The following AGO3 variants were observed in gnomAD, a reference collection of about 807,000 sequenced individuals.
AGO3 encodes argonaute RISC catalytic component 3, also known as protein argonaute-3.
AGO3 carries 16 observed loss-of-function variants against 105.5 expected under a neutral mutation model. The observed-to-expected ratio is 0.15, with a 90% CI of 0.10 to 0.23. The LOEUF is 0.23. Among genes scored for constraint, AGO3 ranks in the 10% least tolerant of loss-of-function variants. The pLI, the probability that AGO3 is intolerant of heterozygous loss-of-function variation, is 1.00. For missense variants in AGO3, 534 were observed against 1,088.0 expected (o/e 0.49, Z 7.16); for synonymous variants, 340 against 367.3 (o/e 0.93, Z 0.85).
At position 36,070,360 on chromosome 1, in the gene AGO3, A is replaced by G. The variant is rs766574534; in HGVS notation, c.*14615A>G. 3 of 152,202 alleles carry G rather than the reference A, an allele frequency of 2.0e-5. No individual in the cohort carries two copies. Among genetic ancestry groups the G allele is most frequent in the African/African-American group, 4.8e-5 (2 of 41,458 alleles). 9.4% of individuals were successfully genotyped at this position (152,202 alleles called of 1,614,324 possible). A position where few individuals can be genotyped will look rare whatever the true frequency, so the allele number is the denominator to read the frequency against. ...AAAGTTTCTGCTTCATGTGAATTCAATTCTGAGCACCTGCAGGTCATATCA... is the reference window on the plus strand; with the variant it reads ...AAAGTTTCTGCTTCATGTGAATTCAGTTCTGAGCACCTGCAGGTCATATCA... On this transcript the variant is annotated 3_prime_UTR_variant, in exon 19 of 19. Transcript: ENST00000373191.
rs753315996 is a variant in AGO3 at position 36,034,165 on chromosome 1, A to G, written c.1592-9A>G. The G allele has an allele frequency of 6.5e-7, 1 of 1,527,812 alleles. No homozygotes were observed. Among genetic ancestry groups the G allele is most frequent in the African/African-American group, 1.4e-5 (1 of 71,398 alleles). The allele number at this position is 1,527,812 out of a possible 1,614,324, so 94.6% of individuals were successfully genotyped here. A position where few individuals can be genotyped will look rare whatever the true frequency, so the allele number is the denominator to read the frequency against. On this transcript the variant is annotated splice_polypyrimidine_tract_variant and intron_variant, in intron 12 of 18. Transcript: ENST00000373191. ...TTTTCTGACTAGAGGTTTTGCATCT[A>G]TTCCATAGCGGAAGTGAAACGTGTA...
Position 35,975,850 on chromosome 1 carries a change from G to A in AGO3, c.658+2339G>A, listed in dbSNP as rs534098315. On this transcript the variant is annotated intron_variant, in intron 5 of 18. Transcript: ENST00000373191. ...TCTTTTCTGTCAAAGAATATACTATGTCTTTCTATTTGTTTAAGATTACTT... is the reference window on the plus strand; with the variant it reads ...TCTTTTCTGTCAAAGAATATACTATATCTTTCTATTTGTTTAAGATTACTT... 8.6e-4 allele frequency among the ~76,000 whole-genome samples: 130 copies of A among 151,620 alleles called. 1 individual carries two copies. Among genetic ancestry groups the A allele is most frequent in the African/African-American group, 3.1e-3 (128 of 41,416 alleles).
Position 36,055,859 on chromosome 1 carries a change from C to A in AGO3, c.*114C>A. On this transcript the variant is annotated 3_prime_UTR_variant, in exon 19 of 19. Coordinates refer to ENST00000373191, the MANE Select transcript of AGO3 (RefSeq NM_024852.4). The surrounding 1 kb of genome is among the most constrained non-coding windows in gnomAD (Gnocchi z 4.4). ...ACCTCCAGCCATACAGAAACCAACA[C>A]TGTGTGGGGGCCAAGGTCTGATCCT... 3 of 953,276 alleles carry A rather than the reference C, an allele frequency of 3.1e-6. No homozygotes were observed. In the South Asian group the frequency reaches 4.6e-5, roughly 15 times the overall value. 59.1% of individuals were successfully genotyped at this position (953,276 alleles called of 1,614,324 possible).
In AGO3 at chr1:36,009,537, T is replaced by A. The variant is rs761472009; in HGVS notation, c.1092T>A (p.Thr364=). 2 of 1,613,734 alleles carry A rather than the reference T, an allele frequency of 1.2e-6. No homozygotes were observed. The highest frequency in any genetic ancestry group is 1.7e-6 in the Non-Finnish European group (2 of 1,179,850). The part of the protein sequence containing the change: ...IKKLTDNQTS[T]MIKATARSAP... ...AGCTAACAGACAATCAGACTTCCAC[T>A]ATGATCAAGGCAACAGCAAGATCTG... is the stretch of plus-strand genomic sequence containing the variant. Residue 364 remains threonine (T), a synonymous_variant, in exon 9 of 19, where the codon ACT becomes ACA. Coordinates refer to ENST00000373191, the MANE Select transcript of AGO3 (RefSeq NM_024852.4).
chr1:35,997,449 T>C (rs1639881267), intron 5 of AGO3, among the ~76,000 whole-genome samples: 1 of 152,198 alleles, frequency 6.6e-6, no homozygotes, highest in African/African-American at 2.4e-5. Flanking sequence ...CTCAAAATGT[T>C]GTGCAGCAGC....
intron 1 of AGO3, among the ~76,000 whole-genome samples, chr1:35,938,412 T>C (rs1646191457): frequency 6.6e-6 from 1 of 152,232 alleles, no homozygotes; most frequent in African/African-American, 2.4e-5. Flanking sequence ...AAACCATTGT[T>C]AACTCTTTCT....
chr1:36,048,591 TAGAAAACAAGC>T (rs1366108328), intron 17 of AGO3, among the ~76,000 whole-genome samples: 1 of 151,942 alleles, frequency 6.6e-6, no homozygotes, highest in South Asian at 2.1e-4. Context: ...AGAAAGGATA[TAGAAAACAAGC>T]AGAAAACAAT....
chr1:35,987,361 C>T (rs879659814), intron 5 of AGO3, among the ~76,000 whole-genome samples: 8 of 146,440 alleles, frequency 5.5e-5, no homozygotes, highest in Non-Finnish European at 9.0e-5. Flanking sequence ...GGCATGGTGG[C>T]GTGTGCCTGT....
In AGO3 at chr1:36,040,315, T is replaced by C; in HGVS notation, c.2046T>C (p.Tyr682=). The C allele has an allele frequency of 6.2e-7, 1 of 1,613,062 alleles. No individual in the cohort carries two copies. The highest frequency in any genetic ancestry group is 8.5e-7 in the Non-Finnish European group (1 of 1,179,186). The change falls in exon 16 of 19, where the codon TAT becomes TAC. Residue 682 remains tyrosine, a synonymous_variant. Transcript: ENST00000373191. ...CATTTCATATTCTCTAGGTATTATA[T>C]TATGAACTACTAGCAATTCGAGAAG... is the stretch of plus-strand genomic sequence containing the variant. ...VSEGQFRQVL[Y]YELLAIREAC...
At chr1:36,032,759 A>G (rs1641838952) in intron 12 of AGO3, among the ~76,000 whole-genome samples, 1 of 151,438 alleles carries the variant, frequency 6.6e-6, no homozygotes, top group Admixed American at 6.6e-5. Context: ...GGAGGCCAAG[A>G]CGGGTGGATC....
chr1:35,981,771 TC>T (rs1415459867), intron 5 of AGO3, among the ~76,000 whole-genome samples: 1 of 152,194 alleles, frequency 6.6e-6, no homozygotes, highest in African/African-American at 2.4e-5. Context: ...CTTACCTCCT[TC>T]TGAGAATCCC....
At chr1:35,967,460 G>A (rs994659783) in intron 3 of AGO3, among the ~76,000 whole-genome samples, 6 of 151,830 alleles carry the variant, frequency 4.0e-5, no homozygotes, top group African/African-American at 1.5e-4. Context: ...TGTCACCTAG[G>A]TTGGAGTGCA....
chr1:36,009,256 T>C (rs1640478152), intron 8 of AGO3: 1 of 805,828 alleles, frequency 1.2e-6, no homozygotes, highest in Non-Finnish European at 1.8e-6. Context: ...AACATTTTGG[T>C]ATACTATACT....
intron 2 of AGO3, among the ~76,000 whole-genome samples, chr1:35,963,757 A>G (rs1303434486): frequency 1.3e-5 from 2 of 152,166 alleles, no homozygotes; most frequent in African/African-American, 4.8e-5. Context: ...GATTGTGGTA[A>G]TCGGGAATGG....
At chr1:36,053,255 T>C (rs866935979) in intron 17 of AGO3, among the ~76,000 whole-genome samples, 4 of 152,028 alleles carry the variant, frequency 2.6e-5, no homozygotes, top group Admixed American at 6.5e-5. Context: ...CCTTTTTTTT[T>C]TTAACTTTTA....
intron 5 of AGO3, among the ~76,000 whole-genome samples, chr1:35,983,901 G>T (rs2148786306): frequency 6.6e-6 from 1 of 152,286 alleles, no homozygotes; most frequent in South Asian, 2.1e-4. Flanking sequence ...CATATCTAGT[G>T]TATATTTAGA....
At chr1:36,033,865 TAAC>T (rs1416039107) in intron 12 of AGO3, among the ~76,000 whole-genome samples, 1 of 152,160 alleles carries the variant, frequency 6.6e-6, no homozygotes, top group Non-Finnish European at 1.5e-5. Context: ...TATAAAACGA[TAAC>T]AAGGGATTAT....
chr1:36,059,961 A>C lies in AGO3; in HGVS notation c.*4216A>C, dbSNP rs1400010660. ...CTGGTTTTTTGGCACATTTCAACAG[A>C]AATATTAGATTCCCTTTCTTTTTCT... On this transcript the variant is annotated 3_prime_UTR_variant, in exon 19 of 19. Coordinates refer to ENST00000373191, the MANE Select transcript of AGO3 (RefSeq NM_024852.4). The C allele has an allele frequency of 6.6e-6, 1 of 152,208 alleles. No individual in the cohort carries two copies. The highest frequency in any genetic ancestry group is 1.5e-5 in the Non-Finnish European group (1 of 68,030). 9.4% of individuals were successfully genotyped at this position (152,208 alleles called of 1,614,324 possible).
At chr1:36,024,158 A>C (rs1355759418) in intron 11 of AGO3, among the ~76,000 whole-genome samples, 4 of 79,532 alleles carry the variant, frequency 5.0e-5, no homozygotes, top group Non-Finnish European at 6.5e-5. Context: ...TTTTTTTTTG[A>C]GATGGGATCT....
Sources: gnomAD v4.1 joint callset for allele counts (sites outside exome capture counted in the v4.1 genomes callset) on GRCh38, gnomAD v4.1.1 for gene constraint, Gnocchi (gnomAD v3.1) non-coding constraint, MANE v1.5 for transcripts, NCBI Gene and HGNC (gene_info 2026-07-23, HGNC 2026-07-21) for gene names.